The following RPS6 variants were observed in gnomAD, a reference collection of about 807,000 sequenced individuals.
RPS6 encodes the protein small ribosomal subunit protein eS6.
In RPS6, 1 loss-of-function variant was observed where a neutral mutation model predicts 27.1. The observed-to-expected ratio is 0.04, with a 90% CI of 0.01 to 0.18. The LOEUF (loss-of-function observed/expected upper bound fraction) is 0.18, where lower values mean the gene tolerates loss of function less well. Ranked by LOEUF, RPS6 falls within the 10% of genes least tolerant of loss-of-function variation. RPS6 has a pLI of 1.00. For missense variants in RPS6, 259 were observed against 319.1 expected (o/e 0.81, Z 1.44); for synonymous variants, 152 against 106.0 (o/e 1.43, Z -2.66).
rs756552209 is a variant in RPS6 at position 19,378,448 on chromosome 9, C to A, written c.416G>T (p.Ser139Ile). The change falls in exon 4 of 6, where the codon AGC becomes ATC. Residue 139 changes from serine to isoleucine, a missense_variant. This residue lies in a region of RPS6 where 191 missense variants were observed against 231.6 expected (regional missense o/e 0.82). Coordinates refer to ENST00000380394, the MANE Select transcript of RPS6 (RefSeq NM_001010.3). ...GAGATTGAAAAGTTTGCGGATTCTG[C>A]TAGCTCTTTTGGGGCCCAGGCGGCG... The part of the protein sequence containing the change: ...VPRRLGPKRA[S>I]RIRKLFNLSK... 8 of 1,614,122 alleles carry A rather than the reference C, an allele frequency of 5.0e-6. No individual in the cohort carries two copies. The highest frequency in any genetic ancestry group is 6.8e-6 in the Non-Finnish European group (8 of 1,180,024).
At chr9:19,379,723 C>G (rs187017123) in intron 1 of RPS6, 105 bp from the exon 2 acceptor site, 18 of 1,510,820 alleles carry the variant, frequency 1.2e-5, no homozygotes, top group Non-Finnish European at 1.6e-5. Flanking sequence ...CATGTTGCCT[C>G]CACACAAGCA....
intron 2 of RPS6, 109 bp downstream of exon 2, chr9:19,379,378 C>G: frequency 6.4e-7 from 1 of 1,559,446 alleles, no homozygotes; most frequent in Non-Finnish European, 8.7e-7. Flanking sequence ...AGCAACTTAC[C>G]AAAGGTCAGA....
chr9:19,380,040 C>A, intron 1 of RPS6, 150 bp downstream of exon 1: 1 of 1,567,552 alleles, frequency 6.4e-7, no homozygotes, highest in Non-Finnish European at 8.6e-7. Flanking sequence ...CCAAAAAGCT[C>A]CATGCCCCAG....
chr9:19,379,324 C>G, intron 2 of RPS6, 163 bp downstream of exon 2: 2 of 1,509,314 alleles, frequency 1.3e-6, no homozygotes, highest in Non-Finnish European at 1.8e-6. Flanking sequence ...TCTACGTCCC[C>G]CCCTCCAAGG....
chr9:19,379,895 G>C (rs1589014316), intron 1 of RPS6: 2 of 1,422,534 alleles, frequency 1.4e-6, no homozygotes, highest in East Asian at 5.1e-5. Flanking sequence ...CAAGAAAGCC[G>C]GGGTCAAGAG....
At chr9:19,379,222 A>G in intron 2 of RPS6, 1 of 1,259,938 alleles carries the variant, frequency 7.9e-7, no homozygotes, top group Non-Finnish European at 1.1e-6. Context: ...CACTTTGGGG[A>G]TTATGAGGAC....
chr9:19,376,756 A>C, intron 4 of RPS6, 105 bp from the exon 5 acceptor site: 1 of 1,129,490 alleles, frequency 8.9e-7, no homozygotes, highest in South Asian at 1.7e-5. Flanking sequence ...ATCTATGAAA[A>C]CCTATAATGA....
rs1829655425 is a variant in RPS6 at position 19,380,171 on chromosome 9, A to G, written c.6+19T>C. ...TCACGTTCCCCAAACCCAGTCTAAC[A>G]CTCGCCACCATCACCTACCTTCATC... On this transcript the variant is annotated intron_variant, in intron 1 of 5. Transcript: ENST00000380394. The G allele has an allele frequency of 1.2e-6, 2 of 1,613,788 alleles. No homozygotes were observed. Among genetic ancestry groups the G allele is most frequent in the South Asian group, 1.1e-5 (1 of 91,078 alleles).
In RPS6 at chr9:19,379,637, G is replaced by T. The variant is rs202025440; in HGVS notation, c.7-19C>A. ...TGTTCAGCTAAGGATTAAAAGGGGG[G>T]AAATAGTTTACGAAACTATCTATAC... On this transcript the variant is annotated intron_variant, in intron 1 of 5. Coordinates refer to ENST00000380394, the MANE Select transcript of RPS6 (RefSeq NM_001010.3). 5.7e-5 allele frequency: 92 copies of T among 1,605,950 alleles called. No homozygotes were observed. Among genetic ancestry groups the T allele is most frequent in the Admixed American group, 8.5e-5 (5 of 58,808 alleles).
chr9:19,377,285 T>C (rs370133997), intron 4 of RPS6, among the ~76,000 whole-genome samples: 9 of 146,452 alleles, frequency 6.1e-5, no homozygotes, highest in East Asian at 3.9e-4. Context: ...CCTCCTACTA[T>C]AGACATAAGA....
In RPS6 at chr9:19,378,778, C is replaced by T. The variant is rs755910600; in HGVS notation, c.279G>A (p.Lys93=). 2.2e-5 allele frequency: 36 copies of T among 1,614,042 alleles called. No homozygotes were observed. The highest frequency in any genetic ancestry group is 3.0e-5 in the Non-Finnish European group (35 of 1,180,032). The part of the protein sequence containing the change: ...CYRPRRTGER[K]RKSVRGCIVD... Reference sequence around the variant, plus strand: ...CAATGCAACCACGAACTGATTTTCTCTTTCTTTCTCCAGTTCTCCTTGGTC... The same window carrying T: ...CAATGCAACCACGAACTGATTTTCTTTTTCTTTCTCCAGTTCTCCTTGGTC... The change falls in exon 3 of 6, where the codon AAG becomes AAA. Residue 93 remains lysine, a synonymous_variant. Coordinates refer to ENST00000380394, the MANE Select transcript of RPS6 (RefSeq NM_001010.3).
chr9:19,379,659 A>G, intron 1 of RPS6, 41 bp from the exon 2 acceptor site: 2 of 1,581,342 alleles, frequency 1.3e-6, no homozygotes, highest in South Asian at 1.2e-5. Context: ...GAAACTATCT[A>G]TACAGGTAAT....
rs758011895 is a variant in RPS6, at chr9:19,378,904, T to G, written c.153A>C (p.Arg51=). ...CTTGTTTGTCGTTCCCACCACTGAT[T>G]CGGACCACATAACCCTGCAAGAGCA... The part of the protein sequence containing the change: ...LGEEWKGYVV[R]ISGGNDKQGF... Residue 51 remains arginine, a synonymous_variant, in exon 3 of 6, where the codon CGA becomes CGC. Coordinates refer to ENST00000380394, the MANE Select transcript of RPS6 (RefSeq NM_001010.3). 5.3e-5 allele frequency: 86 copies of G among 1,614,008 alleles called. No homozygotes were observed. The highest frequency in any genetic ancestry group is 7.1e-5 in the Non-Finnish European group (84 of 1,180,014).
At position 19,376,060 on chromosome 9, in the gene RPS6, C is replaced by A. The variant is rs1467604176; in HGVS notation, c.*233G>T. ...TCTGAAGAGGCAGGTGTCTTATGCT[C>A]AGAATCCCTTCCTGTGCCACCCATC... is the stretch of plus-strand genomic sequence containing the variant. On this transcript the variant is annotated 3_prime_UTR_variant, in exon 6 of 6. Transcript: ENST00000380394. The A allele has an allele frequency of 1.2e-5, 5 of 425,660 alleles. No individual in the cohort carries two copies. The highest frequency in any genetic ancestry group is 1.7e-5 in the Non-Finnish European group (4 of 238,678). 26.4% of individuals were successfully genotyped at this position (425,660 alleles called of 1,614,324 possible).
At chr9:19,376,461 T>A in intron 5 of RPS6, 33 bp downstream of exon 5, 1 of 1,612,194 alleles carries the variant, frequency 6.2e-7, no homozygotes, top group Non-Finnish European at 8.5e-7. Context: ...CAGGTCGAAC[T>A]CCTCCCACCC....
intron 1 of RPS6, 130 bp from the exon 2 acceptor site, chr9:19,379,748 C>T: frequency 8.0e-6 from 12 of 1,497,534 alleles, no homozygotes; most frequent in South Asian, 1.4e-5. Flanking sequence ...ATATAAGATG[C>T]CGACTGTACT....
At chr9:19,379,172 A>G (rs975996250) in intron 2 of RPS6, 11 of 882,808 alleles carry the variant, frequency 1.2e-5, no homozygotes, top group African/African-American at 1.0e-4. Context: ...AAGATAAAAT[A>G]TCAAACAGCA....
At chr9:19,376,947 T>C (rs892162391) in intron 4 of RPS6, 16 of 229,388 alleles carry the variant, frequency 7.0e-5, no homozygotes, top group African/African-American at 3.2e-4. Flanking sequence ...TATATAACTG[T>C]GCATAGTTAA....
chr9:19,376,456 C>T, intron 5 of RPS6, 38 bp downstream of exon 5: 2 of 1,612,242 alleles, frequency 1.2e-6, no homozygotes, highest in African/African-American at 1.3e-5. Context: ...AAAGCCAGGT[C>T]GAACTCCTCC....
Sources: gnomAD v4.1 joint callset for allele counts (sites outside exome capture counted in the v4.1 genomes callset) on GRCh38, gnomAD v4.1.1 for gene constraint, gnomAD v4.1.1 regional missense constraint, MANE v1.5 for transcripts, NCBI Gene and HGNC (gene_info 2026-07-23, HGNC 2026-07-21) for gene names.